COP1: variants seen among roughly 807,000 people sequenced by gnomAD.
The protein encoded by COP1 is COP1 E3 ubiquitin ligase.
A neutral mutation model predicts 101.3 loss-of-function variants in COP1; 24 were observed. The observed-to-expected ratio is 0.24, with a 90% CI of 0.17 to 0.33. The LOEUF (loss-of-function observed/expected upper bound fraction) is 0.33, where lower values mean the gene tolerates loss of function less well. Ranked by LOEUF, COP1 falls within the 10% of genes least tolerant of loss-of-function variation. The probability of loss-of-function intolerance (pLI) is 1.00; values close to 1 mark genes in which losing one functional copy is unlikely to be tolerated. For missense variants in COP1, 663 were observed against 906.2 expected (o/e 0.73, Z 3.45); for synonymous variants, 347 against 341.9 (o/e 1.01, Z -0.17).
At chr1:175,964,424 G>GA (rs1651753242) in intron 18 of COP1, among the ~76,000 whole-genome samples, 1 of 61,204 alleles carries the variant, frequency 1.6e-5, no homozygotes, top group Non-Finnish European at 5.4e-5. Flanking sequence ...ATTTTACTGG[G>GA]GAAAAAAAGC....
rs376598009 is a variant in COP1, at chr1:176,181,658, T to C, written c.467+2975A>G. On this transcript the variant is annotated intron_variant, in intron 2 of 19. Transcript: ENST00000367669. ...GAGATCGAGACCATCCTGGCTAACA[T>C]GGTGAACCCCGTCTCTACTAAAAGT... Among the ~76,000 whole-genome samples, 399 of 151,978 alleles carry C rather than the reference T, an allele frequency of 2.6e-3. 3 individuals carry two copies. The highest frequency in any genetic ancestry group is 9.2e-3 in the African/African-American group (381 of 41,472).
intron 11 of COP1, among the ~76,000 whole-genome samples, chr1:176,067,594 T>C (rs1676222982): frequency 6.6e-6 from 1 of 152,016 alleles, no homozygotes; most frequent in African/African-American, 2.4e-5. Context: ...TTTCCCACTC[T>C]ATCCTCCTTC....
rs570514831 is a variant in COP1 at position 176,001,958 on chromosome 1, A to G, written c.1730-12479T>C. 1.1e-4 allele frequency among the ~76,000 whole-genome samples: 17 copies of G among 152,270 alleles called. 1 individual carries two copies. Among genetic ancestry groups the G allele is most frequent in the African/African-American group, 3.4e-4 (14 of 41,558 alleles). Reference sequence around the variant, plus strand: ...GATTTCTGACGAGAAGTCATCAGAAATATTAACATTAATCTTAATGAGGAT... The same window carrying G: ...GATTTCTGACGAGAAGTCATCAGAAGTATTAACATTAATCTTAATGAGGAT... On this transcript the variant is annotated intron_variant, in intron 15 of 19. Transcript: ENST00000367669.
intron 2 of COP1, among the ~76,000 whole-genome samples, chr1:176,184,135 A>C (rs1030106565): frequency 7.2e-5 from 11 of 152,128 alleles, no homozygotes; most frequent in African/African-American, 2.7e-4. Flanking sequence ...GTATTATGTA[A>C]ATTTTAAAAT....
chr1:176,082,126 T>TA (rs1679258326), intron 10 of COP1, among the ~76,000 whole-genome samples: 1 of 152,172 alleles, frequency 6.6e-6, no homozygotes, highest in Non-Finnish European at 1.5e-5. Context: ...AGCATAGATT[T>TA]AAAAAATCAT....
chr1:176,094,744 T>A (rs539929045), intron 9 of COP1, among the ~76,000 whole-genome samples: 2 of 151,122 alleles, frequency 1.3e-5, no homozygotes, highest in South Asian at 4.2e-4. Context: ...AAAGAGCAAA[T>A]TAGATGATCA....
At position 175,947,250 on chromosome 1, in the gene COP1, A is replaced by G; in HGVS notation, c.2134-11T>C. On this transcript the variant is annotated splice_polypyrimidine_tract_variant and intron_variant, in intron 18 of 19. Coordinates refer to ENST00000367669, the MANE Select transcript of COP1 (RefSeq NM_022457.7). Reference sequence around the variant, plus strand: ...CAGCACATTGGACTCCTAGAAAAGAACAAGAGCTTTTAAAGTATAGAGAAG... The same window carrying G: ...CAGCACATTGGACTCCTAGAAAAGAGCAAGAGCTTTTAAAGTATAGAGAAG... 1.3e-6 allele frequency: 2 copies of G among 1,597,508 alleles called. No individual in the cohort carries two copies. The highest frequency in any genetic ancestry group is 1.3e-5 in the African/African-American group (1 of 74,686).
chr1:175,952,844 G>C (rs1021365982), intron 18 of COP1, among the ~76,000 whole-genome samples: 1 of 152,166 alleles, frequency 6.6e-6, no homozygotes, highest in African/African-American at 2.4e-5. Context: ...TTGAGCCTAG[G>C]AGTTTGAGGC....
intron 8 of COP1, among the ~76,000 whole-genome samples, chr1:176,128,165 T>G (rs1401521728): frequency 6.6e-6 from 1 of 152,104 alleles, no homozygotes; most frequent in Non-Finnish European, 1.5e-5. Context: ...ATATTTTCTC[T>G]CAATAATTGG....
intron 14 of COP1, among the ~76,000 whole-genome samples, chr1:176,032,574 T>C (rs1668812959): frequency 6.6e-6 from 1 of 152,148 alleles, no homozygotes; most frequent in Non-Finnish European, 1.5e-5. Context: ...CCTAGGACTC[T>C]AGACTATTAA....
chr1:176,170,661 A>G (rs1275886603), intron 3 of COP1, among the ~76,000 whole-genome samples: 1 of 152,176 alleles, frequency 6.6e-6, no homozygotes, highest in Non-Finnish European at 1.5e-5. Flanking sequence ...TAGATTTAGC[A>G]TAATTCTTAA....
chr1:175,990,448 A>G (rs1658126964), intron 15 of COP1, among the ~76,000 whole-genome samples: 1 of 152,122 alleles, frequency 6.6e-6, no homozygotes, highest in Admixed American at 6.5e-5. Flanking sequence ...CTTGAGAAGA[A>G]TGTGCATGCT....
intron 2 of COP1, 75 bp downstream of exon 2, chr1:176,184,558 A>T: frequency 8.1e-7 from 1 of 1,239,246 alleles, no homozygotes; most frequent in Admixed American, 2.1e-5. Context: ...TAAAACACGT[A>T]ACTTCTCATT....
At chr1:176,057,479 C>G (rs928840401) in intron 11 of COP1, among the ~76,000 whole-genome samples, 4 of 152,156 alleles carry the variant, frequency 2.6e-5, no homozygotes, top group African/African-American at 9.7e-5. Flanking sequence ...CGATTGCAGG[C>G]GCGCGCCGCC....
chr1:176,105,154 A>G (rs759151307), intron 9 of COP1, among the ~76,000 whole-genome samples: 10 of 152,190 alleles, frequency 6.6e-5, no homozygotes, highest in Non-Finnish European at 1.2e-4. Flanking sequence ...ATGGAGTAGA[A>G]AAGATGGAGG....
intron 2 of COP1, among the ~76,000 whole-genome samples, chr1:176,181,768 G>A (rs888258458): frequency 2.8e-4 from 42 of 152,102 alleles, no homozygotes; most frequent in African/African-American, 5.5e-4. Context: ...TGGAATATCC[G>A]GGAGGTGGAG....
chr1:176,024,086 T>G (rs538890346), intron 15 of COP1, among the ~76,000 whole-genome samples: 1 of 152,092 alleles, frequency 6.6e-6, no homozygotes, highest in African/African-American at 2.4e-5. Context: ...GGTGAAACCC[T>G]GTCTCTACTA....
At position 176,206,444 on chromosome 1, in the gene COP1, G is replaced by C; in HGVS notation, c.407+128C>G. ...CTGCAAACGCTCGATTCCCTCTGCA[G>C]ACACCACCACAGCACCAGTATCCCA... On this transcript the variant is annotated intron_variant, in intron 1 of 19. Coordinates refer to ENST00000367669, the MANE Select transcript of COP1 (RefSeq NM_022457.7). 1.8e-6 allele frequency: 2 copies of C among 1,097,842 alleles called. 1 individual carries two copies. The highest frequency in any genetic ancestry group is 2.8e-5 in the South Asian group (2 of 71,280). 68.0% of individuals were successfully genotyped at this position (1,097,842 alleles called of 1,614,324 possible).
At chr1:175,995,837 A>C (rs1031405048) in intron 15 of COP1, among the ~76,000 whole-genome samples, 2 of 152,248 alleles carry the variant, frequency 1.3e-5, no homozygotes, top group Non-Finnish European at 2.9e-5. Flanking sequence ...AACTGGTATC[A>C]TTCCTTCTGA....
Sources: allele counts gnomAD v4.1 joint callset (sites outside exome capture counted in the v4.1 genomes callset), GRCh38; gene constraint gnomAD v4.1.1; transcripts MANE v1.5; gene names NCBI Gene and HGNC (gene_info 2026-07-23, HGNC 2026-07-21).